Variants in SH2D7 observed in about 807,000 individuals in gnomAD.
SH2D7 encodes SH2 domain containing 7, also known as SH2 domain-containing protein 7.
Under a neutral mutation model 40.8 loss-of-function variants are expected in SH2D7, and 32 were observed. The ratio of observed to expected loss-of-function variants is 0.78; its 90% CI spans 0.59 to 1.05. The LOEUF (loss-of-function observed/expected upper bound fraction) is 1.05, where lower values mean the gene tolerates loss of function less well. SH2D7 is among the 50% of genes least tolerant of loss of function. The pLI, the probability that SH2D7 is intolerant of heterozygous loss-of-function variation, is 0.00. For missense variants in SH2D7, 559 were observed against 566.6 expected (o/e 0.99, Z 0.14); for synonymous variants, 195 against 221.5 (o/e 0.88, Z 1.06).
At chr15:78,102,599 G>A (rs567615485) in intron 5 of SH2D7, among the ~76,000 whole-genome samples, 62 of 152,256 alleles carry the variant, frequency 4.1e-4, no homozygotes, top group African/African-American at 1.5e-3. Flanking sequence ...AGATTTGGGT[G>A]TAAGCTGGGG....
intron 5 of SH2D7, among the ~76,000 whole-genome samples, chr15:78,103,135 C>T (rs1246351426): frequency 6.6e-6 from 1 of 152,146 alleles, no homozygotes; most frequent in African/African-American, 2.4e-5. Context: ...CTACCTCGGA[C>T]ACCAGTGCAT....
chr15:78,097,821 T>C, intron 2 of SH2D7, 108 bp from the exon 3 acceptor site: 1 of 1,420,602 alleles, frequency 7.0e-7, no homozygotes, highest in Non-Finnish European at 9.5e-7. Context: ...CTGTTCTGGA[T>C]CAAGAGCTGG....
At position 78,101,142 on chromosome 15, in the gene SH2D7, C is replaced by G. The variant is rs186170055; in HGVS notation, c.889C>G (p.Pro297Ala). 6.4e-7 allele frequency: 1 copy of G among 1,560,230 alleles called. No individual in the cohort carries two copies. The highest frequency in any genetic ancestry group is 8.6e-7 in the Non-Finnish European group (1 of 1,157,392). The part of the protein sequence containing the change: ...GEQNRPDGLG[P>A]VLSGVSPDQG... ...ACAGAACAGGCCTGATGGCCTGGGG[C>G]CTGTCCTTTCTGGGGTGAGCCCAGA... is the stretch of plus-strand genomic sequence containing the variant. Residue 297 changes from proline (P) to alanine (A), a missense_variant, in exon 5 of 6, where the codon CCT becomes GCT. Physicochemically the swap from Pro to Ala is conservative, Grantham distance 27. Coordinates refer to ENST00000328828, the MANE Select transcript of SH2D7 (RefSeq NM_001101404.2).
intron 1 of SH2D7, 145 bp from the exon 2 acceptor site, chr15:78,093,967 A>G: frequency 1.9e-5 from 13 of 692,036 alleles, no homozygotes; most frequent in Non-Finnish European, 3.1e-5. Context: ...AGACCCATCC[A>G]CAGGTCTGAG....
In SH2D7 at chr15:78,100,983, G is replaced by T. The variant is rs2074010535; in HGVS notation, c.730G>T (p.Ala244Ser). The T allele has an allele frequency of 6.2e-7, 1 of 1,614,026 alleles. No homozygotes were observed. Among genetic ancestry groups the T allele is most frequent in the South Asian group, 1.1e-5 (1 of 91,086 alleles). ...SFGGPSDIIY[A>S]DLRRMNQARL... is the part of the protein sequence containing the mutation. ...TGGAGGCCCCAGTGACATCATCTAT[G>T]CAGACCTGAGGAGGATGAACCAGGC... Residue 244 changes from alanine (A) to serine (S), a missense_variant, in exon 5 of 6, where the codon GCA becomes TCA. Physicochemically the swap from Ala to Ser is moderately conservative, Grantham distance 99 (BLOSUM62 1). Coordinates refer to ENST00000328828, the MANE Select transcript of SH2D7 (RefSeq NM_001101404.2).
chr15:78,100,047 A>G (rs1235840118), intron 4 of SH2D7, among the ~76,000 whole-genome samples: 1 of 152,016 alleles, frequency 6.6e-6, no homozygotes, highest in Non-Finnish European at 1.5e-5. Context: ...TCATGCCCCC[A>G]CACTCCATTG....
rs2074016602 is a variant in SH2D7 at position 78,101,489 on chromosome 15, C to A, written c.1236C>A (p.Leu412=). The A allele has an allele frequency of 6.2e-7, 1 of 1,613,520 alleles. No individual in the cohort carries two copies. Among genetic ancestry groups the A allele is most frequent in the Non-Finnish European group, 8.5e-7 (1 of 1,179,676 alleles). The change falls in exon 5 of 6, where the codon CTC becomes CTA. Residue 412 remains leucine, a synonymous_variant. Transcript: ENST00000328828. ...AGAGGATCTCAGGGACCCCAGAGCT[C>A]TCAGAGCCTGGGAACACCTATGAAC... ...GYKRISGTPE[L]SEPGNTYEQI... is the part of the protein sequence containing the mutation.
At chr15:78,094,894 G>A (rs1025139975) in intron 2 of SH2D7, among the ~76,000 whole-genome samples, 4 of 152,192 alleles carry the variant, frequency 2.6e-5, no homozygotes, top group East Asian at 1.9e-4. Flanking sequence ...ACAAGGTAGC[G>A]AGGACAAAGG....
chr15:78,103,209 G>A (rs986338917), intron 5 of SH2D7, among the ~76,000 whole-genome samples: 2 of 152,122 alleles, frequency 1.3e-5, no homozygotes, highest in East Asian at 1.9e-4. Context: ...GGTGAGGCTC[G>A]CCACCCTTTC....
chr15:78,097,188 G>A (rs540725875), intron 2 of SH2D7, among the ~76,000 whole-genome samples: 4 of 152,208 alleles, frequency 2.6e-5, no homozygotes, highest in African/African-American at 4.8e-5. Flanking sequence ...GATAGGCGTC[G>A]GAATGGTGGC....
intron 3 of SH2D7, 57 bp downstream of exon 3, chr15:78,098,151 G>T: frequency 1.3e-6 from 2 of 1,521,804 alleles, no homozygotes; most frequent in South Asian, 2.5e-5. Flanking sequence ...CAGGCCTGGG[G>T]TATCCATCAC....
intron 4 of SH2D7, among the ~76,000 whole-genome samples, chr15:78,099,145 G>A (rs2073995832): frequency 6.6e-6 from 1 of 151,894 alleles, no homozygotes; most frequent in Admixed American, 6.6e-5. Flanking sequence ...GCCACCCGAG[G>A]AGCTGGGATT....
intron 4 of SH2D7, among the ~76,000 whole-genome samples, chr15:78,100,653 C>T (rs545246999): frequency 3.9e-5 from 6 of 152,130 alleles, no homozygotes; most frequent in South Asian, 2.1e-4. Flanking sequence ...GCTGAGATTG[C>T]GCCACTGCAC....
chr15:78,098,351 G>C (rs1196914703), intron 3 of SH2D7, 33 bp from the exon 4 acceptor site: 2 of 1,607,226 alleles, frequency 1.2e-6, no homozygotes, highest in African/African-American at 1.3e-5. Context: ...GGGCATGTGT[G>C]ACCACATACC....
intron 5 of SH2D7, 74 bp downstream of exon 5, chr15:78,101,632 C>G (rs2074018101): frequency 1.4e-6 from 2 of 1,470,660 alleles, no homozygotes; most frequent in Non-Finnish European, 1.8e-6. Flanking sequence ...ACCTGAAGCC[C>G]CCAGGCATAG....
In SH2D7 at chr15:78,097,853, C is replaced by T. The variant is rs534543126; in HGVS notation, c.267-76C>T. On this transcript the variant is annotated intron_variant, in intron 2 of 5. Coordinates refer to ENST00000328828, the MANE Select transcript of SH2D7 (RefSeq NM_001101404.2). ...CTGGGACCCCTCACCTGCACCCAGG[C>T]ACAGAGCTCAGACCCTGGGCCAAGG... 1.9e-6 allele frequency: 3 copies of T among 1,551,408 alleles called. No individual in the cohort carries two copies. In the Admixed American group the frequency reaches 5.7e-5, roughly 30 times the overall value.
At position 78,094,232 on chromosome 15, in the gene SH2D7, C is replaced by A. The variant is rs768916867; in HGVS notation, c.266+31C>A. The A allele has an allele frequency of 3.5e-5, 56 of 1,583,552 alleles. 1 individual carries two copies. The highest frequency in any genetic ancestry group is 4.5e-5 in the Non-Finnish European group (52 of 1,164,052). On this transcript the variant is annotated intron_variant, in intron 2 of 5. Coordinates refer to ENST00000328828, the MANE Select transcript of SH2D7 (RefSeq NM_001101404.2). ...AGGGGAAGCCCTCTGGGCAAGCAAG[C>A]TCATCCTACCATAACCTAGCCTTGC...
At chr15:78,099,874 C>G (rs944899515) in intron 4 of SH2D7, among the ~76,000 whole-genome samples, 3 of 152,122 alleles carry the variant, frequency 2.0e-5, no homozygotes, top group Non-Finnish European at 4.4e-5. Context: ...GCCTGCAATG[C>G]TCTTCCTACA....
chr15:78,091,018 A>C (rs1158503579), upstream of SH2D7, among the ~76,000 whole-genome samples: 1 of 152,156 alleles, frequency 6.6e-6, no homozygotes, highest in Non-Finnish European at 1.5e-5. Flanking sequence ...GGTAACCACT[A>C]TCTTAACTTC....
Sources: gnomAD v4.1 joint callset for allele counts (sites outside exome capture counted in the v4.1 genomes callset) on GRCh38, gnomAD v4.1.1 for gene constraint, MANE v1.5 for transcripts, NCBI Gene and HGNC (gene_info 2026-07-23, HGNC 2026-07-21) for gene names.